Variants in TBXAS1 observed in about 807,000 individuals in gnomAD.
TBXAS1 encodes thromboxane A synthase 1.
A neutral mutation model predicts 60.7 loss-of-function variants in TBXAS1; 48 were observed. That is an observed-to-expected ratio of 0.79 (90% CI 0.63 to 1.01). The LOEUF (loss-of-function observed/expected upper bound fraction) is 1.01, where lower values mean the gene tolerates loss of function less well. TBXAS1 is among the 50% of genes least tolerant of loss of function. TBXAS1 has a pLI of 0.00. For synonymous variants in TBXAS1, 287 were observed against 269.7 expected (o/e 1.06, Z -0.63); for missense variants, 685 against 686.3 (o/e 1.00, Z 0.02).
chr7:139,906,007 G>A (rs1805047378), intron 3 of TBXAS1: 1 of 219,264 alleles, frequency 4.6e-6, no homozygotes. Flanking sequence ...TCCATTTTGA[G>A]TTCATTTTTT....
chr7:139,874,478 T>C (rs1003371614), intron 2 of TBXAS1, among the ~76,000 whole-genome samples: 5 of 152,356 alleles, frequency 3.3e-5, no homozygotes, highest in South Asian at 2.1e-4. Context: ...TTCTAGAACA[T>C]AGTAATTTCG....
At chr7:140,010,514 G>A (rs1043339187) in intron 10 of TBXAS1, among the ~76,000 whole-genome samples, 2 of 152,122 alleles carry the variant, frequency 1.3e-5, no homozygotes, top group Non-Finnish European at 2.9e-5. Flanking sequence ...AGCTTCCAGG[G>A]GGTCTGCCTC....
At chr7:139,866,991 T>C (rs73734128) in intron 1 of TBXAS1, among the ~76,000 whole-genome samples, 6,910 of 152,272 alleles carry the variant, frequency 0.045, 505 homozygotes, top group African/African-American at 0.16. Flanking sequence ...CAAAACGTTT[T>C]GAAAAGGCAA....
rs8192864 is a variant in TBXAS1, at chr7:140,017,808, G to A, written c.1502G>A (p.Arg501Gln). The change falls in exon 12 of 13, where the codon CGG (arginine) becomes CAG (glutamine). Residue 501 changes from arginine to glutamine, a missense_variant. By Grantham distance (43) the Arg-to-Gln change is conservative. Transcript: ENST00000448866. ...CTGCTCCACGTGCTGCACAAGTTCC[G>A]GTTCCAAGCCTGCCCTGAGACCCAG... is the stretch of plus-strand genomic sequence containing the variant. ...LTLLHVLHKF[R>Q]FQACPETQVP... is the part of the protein sequence containing the mutation. 90 of 1,614,066 alleles carry A rather than the reference G, an allele frequency of 5.6e-5. No homozygotes were observed. The East Asian group carries it at 1.4e-3, about 25-fold the overall frequency.
At chr7:139,873,449 G>C (rs73734132) in intron 2 of TBXAS1, among the ~76,000 whole-genome samples, 1 of 152,128 alleles carries the variant, frequency 6.6e-6, no homozygotes, top group African/African-American at 2.4e-5. Flanking sequence ...ACGATGGCTC[G>C]GTCTGGTCGG....
intron 9 of TBXAS1, among the ~76,000 whole-genome samples, chr7:139,988,630 T>C (rs1476806468): frequency 6.6e-6 from 1 of 152,084 alleles, no homozygotes; most frequent in East Asian, 1.9e-4. Context: ...GGGGTACTTC[T>C]GCTTGCCTCA....
intron 1 of TBXAS1, among the ~76,000 whole-genome samples, chr7:139,857,884 C>T (rs971271715): frequency 2.0e-5 from 3 of 151,996 alleles, no homozygotes; most frequent in Admixed American, 6.6e-5. Context: ...GCACACACCA[C>T]CACACCTGGC....
At position 139,916,568 on chromosome 7, in the gene TBXAS1, C is replaced by A. The variant is rs368845294; in HGVS notation, c.333+5247C>A. On this transcript the variant is annotated intron_variant, in intron 4 of 12. Coordinates refer to ENST00000448866, the MANE Select transcript of TBXAS1 (RefSeq NM_001061.7). This position sits in a 1 kb window ranked among gnomAD's most constrained non-coding sequence, Gnocchi z 4.2. Reference sequence around the variant, plus strand: ...GGCACCCTGGCTGCCCCAGGTTCAGCCTCTCAGGGGCTGCTTCACTCGCTC... The same window carrying A: ...GGCACCCTGGCTGCCCCAGGTTCAGACTCTCAGGGGCTGCTTCACTCGCTC... 3.3e-5 allele frequency among the ~76,000 whole-genome samples: 5 copies of A among 152,314 alleles called. No homozygotes were observed. The highest frequency in any genetic ancestry group is 1.2e-4 in the African/African-American group (5 of 41,578).
chr7:139,809,240 TAGATA>T (rs1797960848), intron 4 of TBXAS1, among the ~76,000 whole-genome samples: 2,180 of 55,150 alleles, frequency 0.04, 49 homozygotes, highest in African/African-American at 0.12. Context: ...AGATGATAGA[TAGATA>T]GATAGATAGA....
chr7:139,826,872 A>G (rs1035274124), upstream of TBXAS1, among the ~76,000 whole-genome samples: 3 of 152,156 alleles, frequency 2.0e-5, no homozygotes, highest in African/African-American at 7.2e-5. Flanking sequence ...GCTTAACAAA[A>G]CTGAATCAGA....
chr7:139,865,903 A>AG (rs1453839742), intron 1 of TBXAS1, among the ~76,000 whole-genome samples: 5 of 136,060 alleles, frequency 3.7e-5, no homozygotes, highest in South Asian at 2.5e-4. Flanking sequence ...GGAGGGAGGG[A>AG]GGAAGGAAGG....
intron 1 of TBXAS1, among the ~76,000 whole-genome samples, chr7:139,841,002 C>T (rs929932608): frequency 4.1e-4 from 62 of 150,008 alleles, no homozygotes; most frequent in African/African-American, 1.4e-3. Context: ...GTCTGTGCTG[C>T]CGCTCAGGAA....
Position 139,911,311 on chromosome 7 carries a change from C to T in TBXAS1, c.323C>T (p.Thr108Ile). 1 of 1,613,850 alleles carries T rather than the reference C, an allele frequency of 6.2e-7. No individual in the cohort carries two copies. ...QVLVENFSNF[T>I]NRMASGLEFK... Reference sequence around the variant, plus strand: ...TTGGTTGAGAACTTCAGTAACTTTACCAACAGAATGGTACGTAGTTTTCTT... The same window carrying T: ...TTGGTTGAGAACTTCAGTAACTTTATCAACAGAATGGTACGTAGTTTTCTT... Residue 108 changes from threonine to isoleucine, a missense_variant, in exon 4 of 13, where the codon ACC becomes ATC. Transcript: ENST00000448866.
chr7:139,836,976 A>G (rs928827311), intron 1 of TBXAS1, among the ~76,000 whole-genome samples: 1 of 152,224 alleles, frequency 6.6e-6, no homozygotes, highest in Non-Finnish European at 1.5e-5. Context: ...GAAAAAAACA[A>G]TCCCATCAAA....
chr7:139,881,524 T>C (rs1802700573), intron 3 of TBXAS1, among the ~76,000 whole-genome samples: 1 of 152,178 alleles, frequency 6.6e-6, no homozygotes, highest in African/African-American at 2.4e-5. Context: ...AAATGTCACT[T>C]TTATCATTTA....
intron 9 of TBXAS1, among the ~76,000 whole-genome samples, chr7:139,985,609 C>A (rs1288832811): frequency 1.3e-5 from 2 of 152,216 alleles, no homozygotes; most frequent in Non-Finnish European, 2.9e-5. Flanking sequence ...AAAATTAACT[C>A]CTTCAAGTAA....
chr7:139,951,169 G>A (rs114381439), intron 5 of TBXAS1, among the ~76,000 whole-genome samples: 5 of 152,098 alleles, frequency 3.3e-5, no homozygotes, highest in Admixed American at 6.5e-5. Flanking sequence ...TAAAAAAATC[G>A]AAATAGCAAT....
intron 4 of TBXAS1, among the ~76,000 whole-genome samples, chr7:139,823,962 C>CTTTCAGCCTCTG (rs1380742332): frequency 6.6e-6 from 1 of 152,222 alleles, no homozygotes; most frequent in Non-Finnish European, 1.5e-5. Flanking sequence ...GCTGACACCT[C>CTTTCAGCCTCTG]TTTCAGCCTC....
chr7:139,853,031 G>C (rs1236384781), intron 1 of TBXAS1, among the ~76,000 whole-genome samples: 2 of 151,044 alleles, frequency 1.3e-5, no homozygotes, highest in Non-Finnish European at 2.9e-5. Flanking sequence ...CACAAGCCAG[G>C]TCTTCACTTT....
Sources: allele counts gnomAD v4.1 joint callset (sites outside exome capture counted in the v4.1 genomes callset), GRCh38; gene constraint gnomAD v4.1.1; non-coding constraint Gnocchi (gnomAD v3.1); transcripts MANE v1.5; gene names NCBI Gene and HGNC (gene_info 2026-07-23, HGNC 2026-07-21).